Variants in PTPRD observed in about 807,000 individuals in gnomAD.
PTPRD encodes the protein receptor-type tyrosine-protein phosphatase delta.
PTPRD carries 34 observed loss-of-function variants against 214.5 expected under a neutral mutation model. The ratio of observed to expected loss-of-function variants is 0.16; its 90% CI spans 0.12 to 0.21. The LOEUF is 0.21. Ranked by LOEUF, PTPRD falls within the 10% of genes least tolerant of loss-of-function variation. PTPRD has a pLI of 1.00. For synonymous variants in PTPRD, 1,128 were observed against 845.7 expected (o/e 1.33, Z -5.79); for missense variants, 2,545 against 2,398.7 (o/e 1.06, Z -1.27).
intron 12 of PTPRD, among the ~76,000 whole-genome samples, chr9:8,694,304 T>A (rs961168187): frequency 1.3e-5 from 2 of 152,132 alleles, no homozygotes; most frequent in Non-Finnish European, 2.9e-5. Context: ...TGTAATTTTT[T>A]TTTTCATGTT....
intron 2 of PTPRD, among the ~76,000 whole-genome samples, chr9:10,386,919 G>A (rs2097924068): frequency 6.6e-6 from 1 of 151,690 alleles, no homozygotes; most frequent in Non-Finnish European, 1.5e-5. Context: ...AATCCCAAAG[G>A]TCATTACAAG....
At position 8,319,942 on chromosome 9, in the gene PTPRD, G is replaced by C. The variant is rs1049640392; in HGVS notation, c.5559C>G (p.Val1853=). 2.4e-5 allele frequency: 38 copies of C among 1,612,536 alleles called. No individual in the cohort carries two copies. The highest frequency in any genetic ancestry group is 3.0e-5 in the Non-Finnish European group (35 of 1,179,322). Residue 1853 remains valine (V), a synonymous_variant, in exon 45 of 46, where the codon GTC becomes GTG. Transcript: ENST00000381196. ...CCAAAACAATGCTTAGCGTTATGAA[G>C]ACTCCAGTTCTTCCAACGCCCGCGC... is the stretch of plus-strand genomic sequence containing the variant. ...HCSAGVGRTG[V]FITLSIVLER...
At chr9:9,415,504 A>G (rs1463457309) in intron 8 of PTPRD, among the ~76,000 whole-genome samples, 1 of 152,144 alleles carries the variant, frequency 6.6e-6, no homozygotes, top group Admixed American at 6.5e-5. Context: ...AAATAAAAAA[A>G]TTTTAAAAAA....
intron 14 of PTPRD, among the ~76,000 whole-genome samples, chr9:8,564,155 A>G (rs370353683): frequency 6.7e-3 from 9 of 1,340 alleles, no homozygotes; most frequent in African/African-American, 0.06. Context: ...AGCAACCAAT[A>G]CACTATATGT....
chr9:8,656,465 G>T (rs562496449), intron 12 of PTPRD, among the ~76,000 whole-genome samples: 1 of 152,150 alleles, frequency 6.6e-6, no homozygotes, highest in East Asian at 1.9e-4. Flanking sequence ...CTCTCTCATG[G>T]CCAGAAGTAG....
At chr9:9,545,433 T>G (rs948543505) in intron 8 of PTPRD, among the ~76,000 whole-genome samples, 1 of 151,898 alleles carries the variant, frequency 6.6e-6, no homozygotes, top group African/African-American at 2.4e-5. Flanking sequence ...TCTTTTCACA[T>G]AGTAATATGC....
At chr9:8,854,112 T>C (rs928390183) in intron 11 of PTPRD, among the ~76,000 whole-genome samples, 1 of 151,400 alleles carries the variant, frequency 6.6e-6, no homozygotes, top group Non-Finnish European at 1.5e-5. Context: ...TTGAGTACAC[T>C]ACATAAAACG....
chr9:10,542,417 A>G (rs539149426), intron 2 of PTPRD, among the ~76,000 whole-genome samples: 22 of 152,326 alleles, frequency 1.4e-4, no homozygotes, highest in Admixed American at 1.3e-4. Context: ...CAGGTACTCT[A>G]TATTAGAACT....
At chr9:9,948,076 C>G (rs987333940) in intron 4 of PTPRD, among the ~76,000 whole-genome samples, 20 of 151,960 alleles carry the variant, frequency 1.3e-4, no homozygotes, top group Non-Finnish European at 2.8e-4. Context: ...GGAGAAAGCT[C>G]AGAACATGAA....
At chr9:9,478,507 T>C (rs1443808004) in intron 8 of PTPRD, among the ~76,000 whole-genome samples, 1 of 152,116 alleles carries the variant, frequency 6.6e-6, no homozygotes, top group East Asian at 1.9e-4. Context: ...AAATGAAAAA[T>C]AGTGAGGATG....
chr9:8,577,312 T>C (rs934685175), intron 14 of PTPRD, among the ~76,000 whole-genome samples: 9 of 152,222 alleles, frequency 5.9e-5, no homozygotes, highest in South Asian at 2.1e-4. Context: ...TGGAGTACAA[T>C]TGGCGTGATC....
chr9:9,406,807 A>C (rs957100374), intron 8 of PTPRD, among the ~76,000 whole-genome samples: 3 of 150,828 alleles, frequency 2.0e-5, no homozygotes, highest in African/African-American at 7.3e-5. Context: ...AAGGAACAGT[A>C]GGCTTGAAAA....
At chr9:8,792,934 A>G (rs2096283017) in intron 11 of PTPRD, among the ~76,000 whole-genome samples, 1 of 152,126 alleles carries the variant, frequency 6.6e-6, no homozygotes, top group African/African-American at 2.4e-5. Flanking sequence ...ATGCTCTCAC[A>G]TCCATCATTT....
intron 34 of PTPRD, chr9:8,437,119 T>A (rs1242301746): frequency 1.0e-6 from 1 of 996,728 alleles, no homozygotes; most frequent in Non-Finnish European, 1.5e-6. Context: ...AAACAGACAC[T>A]GAGAAAGGCC....
At chr9:10,260,027 T>A (rs935671393) in intron 3 of PTPRD, among the ~76,000 whole-genome samples, 3 of 152,220 alleles carry the variant, frequency 2.0e-5, no homozygotes, top group Non-Finnish European at 4.4e-5. Context: ...CGGCTAGTCC[T>A]TTGTGGTGGT....
chr9:9,485,560 T>C (rs1005726943), intron 8 of PTPRD, among the ~76,000 whole-genome samples: 4 of 152,170 alleles, frequency 2.6e-5, no homozygotes, highest in Non-Finnish European at 5.9e-5. Flanking sequence ...ACTTCCTTAG[T>C]TGCTTAGTAG....
intron 2 of PTPRD, among the ~76,000 whole-genome samples, chr9:10,369,718 C>A (rs4595175): frequency 0.69 from 105,458 of 151,880 alleles, 37,580 homozygotes; most frequent in East Asian, 0.84. Flanking sequence ...ACCAGACTGA[C>A]GGCTTCTGGA....
chr9:10,528,418 T>C (rs577226531), intron 2 of PTPRD, among the ~76,000 whole-genome samples: 1 of 152,252 alleles, frequency 6.6e-6, no homozygotes, highest in Non-Finnish European at 1.5e-5. Context: ...TGACACATAA[T>C]CCATGCTGCT....
chr9:8,692,382 T>G (rs2097825997), intron 12 of PTPRD, among the ~76,000 whole-genome samples: 1 of 152,206 alleles, frequency 6.6e-6, no homozygotes, highest in Non-Finnish European at 1.5e-5. Flanking sequence ...AATCTTCCAT[T>G]GGACCTCCTG....
Sources: gnomAD v4.1 joint callset for allele counts (sites outside exome capture counted in the v4.1 genomes callset) on GRCh38, gnomAD v4.1.1 for gene constraint, MANE v1.5 for transcripts, NCBI Gene and HGNC (gene_info 2026-07-23, HGNC 2026-07-21) for gene names.